The following FRAS1 variants were observed in gnomAD, a reference collection of about 807,000 sequenced individuals.
FRAS1 encodes Fraser extracellular matrix complex subunit 1.
FRAS1 carries 290 observed loss-of-function variants against 435.2 expected under a neutral mutation model. That is an observed-to-expected ratio of 0.67 (90% CI 0.61 to 0.73). The LOEUF is 0.73. Among genes scored for constraint, FRAS1 ranks in the 30% least tolerant of loss-of-function variants. The pLI is 0.00. For missense variants in FRAS1, 4,860 were observed against 5,001.5 expected, an observed-to-expected ratio of 0.97 and a Z score of 0.85; for synonymous variants, 1,800 against 1,851.0, an observed-to-expected ratio of 0.97 and a Z score of 0.71.
At chr4:78,179,310 G>C (rs1231228068) in intron 2 of FRAS1, among the ~76,000 whole-genome samples, 1 of 152,158 alleles carries the variant, frequency 6.6e-6, no homozygotes, top group East Asian at 1.9e-4. Flanking sequence ...GCCTTTTCTT[G>C]ACATCTGGCT....
chr4:78,513,532 ATGACCTGAGAGGCATCTCAGGTGAGAT>A lies in FRAS1; in HGVS notation c.10159_10174+11del. Reference sequence around the variant, plus strand: ...GTCTGCTCCAATTTAGTTACCACCTATGACCTGAGAGGCATCTCAGGTGAGATTGACAAGTTCAGGACTGGTCTTTCC... The same window carrying A: ...GTCTGCTCCAATTTAGTTACCACCTATGACAAGTTCAGGACTGGTCTTTCC... On this transcript the variant is annotated splice_donor_variant and splice_donor_5th_base_variant and coding_sequence_variant and intron_variant, in exon 65 of 74. Transcript: ENST00000512123. LOFTEE classifies it high-confidence loss of function. 1 of 1,613,742 alleles carries A rather than the reference ATGACCTGAGAGGCATCTCAGGTGAGAT, an allele frequency of 6.2e-7. No homozygotes were observed. The highest frequency in any genetic ancestry group is 8.5e-7 in the Non-Finnish European group (1 of 1,179,818).
At chr4:78,456,065 GGAA>G (rs1489998129) in intron 47 of FRAS1, among the ~76,000 whole-genome samples, 4 of 151,858 alleles carry the variant, frequency 2.6e-5, no homozygotes, top group Non-Finnish European at 5.9e-5. Context: ...CCAGCCAGCA[GGAA>G]GAAAGAAAAG....
At chr4:78,252,641 T>G in intron 5 of FRAS1, 90 bp downstream of exon 5, 1 of 1,221,908 alleles carries the variant, frequency 8.2e-7, no homozygotes, top group Non-Finnish European at 1.1e-6. Flanking sequence ...TCAACATAGG[T>G]TCTTTCTATT....
chr4:78,309,622 G>C (rs972881870), intron 15 of FRAS1, among the ~76,000 whole-genome samples: 2 of 152,198 alleles, frequency 1.3e-5, no homozygotes, highest in African/African-American at 4.8e-5. Context: ...CCACTCTACT[G>C]CTCATTATAA....
In FRAS1 at chr4:78,477,952, G is replaced by T. The variant is rs373264111; in HGVS notation, c.7989G>T (p.Ala2663=). ...AYALLGEFTQ[A]KVIINDTEDE... ...CCCTGTTAGGGGAATTCACCCAGGCGAAGGTCATTATCAACGATACCGAGG... is the reference window on the plus strand; with the variant it reads ...CCCTGTTAGGGGAATTCACCCAGGCTAAGGTCATTATCAACGATACCGAGG... The change falls in exon 55 of 74, where the codon GCG becomes GCT. Residue 2663 remains alanine (A), a synonymous_variant. Coordinates refer to ENST00000512123, the MANE Select transcript of FRAS1 (RefSeq NM_025074.7). 3.1e-6 allele frequency: 5 copies of T among 1,613,480 alleles called. No individual in the cohort carries two copies. The East Asian group carries it at 6.7e-5, about 22-fold the overall frequency.
intron 2 of FRAS1, among the ~76,000 whole-genome samples, chr4:78,087,628 A>G (rs1463511887): frequency 1.3e-5 from 2 of 152,198 alleles, no homozygotes; most frequent in African/African-American, 4.8e-5. Context: ...TTATACACCA[A>G]TAACAGACAA....
At position 78,441,273 on chromosome 4, in the gene FRAS1, G is replaced by A; in HGVS notation, c.5641G>A (p.Gly1881Ser). 6.2e-7 allele frequency: 1 copy of A among 1,612,874 alleles called. No individual in the cohort carries two copies. The highest frequency in any genetic ancestry group is 8.5e-7 in the Non-Finnish European group (1 of 1,179,422). The change falls in exon 41 of 74, where the codon GGC becomes AGC. Residue 1881 changes from glycine to serine, a missense_variant. By Grantham distance (56) the Gly-to-Ser change is moderately conservative. Coordinates refer to ENST00000512123, the MANE Select transcript of FRAS1 (RefSeq NM_025074.7). Reference protein sequence around the residue: ...IIKLSALPKYGCIENTGTGDR... With the variant: ...IIKLSALPKYSCIENTGTGDR... The stretch of plus-strand genomic sequence containing the variant: ...TAAACTAAGTGCTCTGCCCAAATAT[G>A]GCTGCATTGAGAACACAGGAACAGG...
At chr4:78,470,530 T>A (rs1322259685) in intron 51 of FRAS1, among the ~76,000 whole-genome samples, 1 of 152,086 alleles carries the variant, frequency 6.6e-6, no homozygotes, top group Non-Finnish European at 1.5e-5. Context: ...ATCCACAGGT[T>A]CCACATCTGT....
At chr4:78,202,627 G>A (rs191528788) in intron 2 of FRAS1, among the ~76,000 whole-genome samples, 2 of 152,306 alleles carry the variant, frequency 1.3e-5, no homozygotes, top group Non-Finnish European at 1.5e-5. Context: ...GCAAGCAGAG[G>A]TTGCAGTGAG....
At chr4:78,382,999 T>C (rs1732079156) in intron 27 of FRAS1, among the ~76,000 whole-genome samples, 1 of 152,226 alleles carries the variant, frequency 6.6e-6, no homozygotes, top group Non-Finnish European at 1.5e-5. Context: ...TCTAAAGAAC[T>C]TTTAAAACAA....
intron 52 of FRAS1, 138 bp downstream of exon 52, chr4:78,472,468 C>A: frequency 1.6e-6 from 1 of 617,256 alleles, no homozygotes; most frequent in Non-Finnish European, 2.5e-6. Flanking sequence ...TAGTGCTTAA[C>A]CATCCAACTT....
At chr4:78,455,598 C>G (rs1719167369) in intron 47 of FRAS1, among the ~76,000 whole-genome samples, 1 of 152,194 alleles carries the variant, frequency 6.6e-6, no homozygotes, top group Admixed American at 6.5e-5. Context: ...TTCATGCTGT[C>G]TTGCTTGGTC....
intron 9 of FRAS1, among the ~76,000 whole-genome samples, chr4:78,268,430 T>C (rs189976882): frequency 2.0e-4 from 31 of 152,348 alleles, no homozygotes; most frequent in African/African-American, 7.2e-4. Flanking sequence ...AGATGCCTTT[T>C]CATTTATTTT....
At chr4:78,532,811 T>A (rs1721757544) in intron 70 of FRAS1, among the ~76,000 whole-genome samples, 1 of 151,624 alleles carries the variant, frequency 6.6e-6, no homozygotes, top group Non-Finnish European at 1.5e-5. Flanking sequence ...AATGGCAGGA[T>A]CTCCTTATTT....
chr4:78,104,048 C>G (rs565751250), intron 2 of FRAS1, among the ~76,000 whole-genome samples: 11 of 152,342 alleles, frequency 7.2e-5, no homozygotes, highest in African/African-American at 2.4e-4. Context: ...TTACAGCTCA[C>G]TTAGCTCAGG....
Position 78,308,208 on chromosome 4 carries a change from C to G in FRAS1, c.1677C>G (p.Ser559Arg), listed in dbSNP as rs374815946. Residue 559 changes from serine to arginine, a missense_variant and splice_region_variant, in exon 15 of 74, where the codon AGC (serine) becomes AGG (arginine). Coordinates refer to ENST00000512123, the MANE Select transcript of FRAS1 (RefSeq NM_025074.7). ...KGFYNRQGTC[S>R]ACDQSCDSCG... ...TCTACAACAGGCAGGGCACCTGTAG[C>G]GGTGAGTGCTGGGTTGCGATGCTGA... 1.2e-6 allele frequency: 2 copies of G among 1,613,732 alleles called. No homozygotes were observed. Among genetic ancestry groups the G allele is most frequent in the Non-Finnish European group, 8.5e-7 (1 of 1,179,746 alleles).
In FRAS1 at chr4:78,455,235, CT is replaced by C. The variant is rs367545022; in HGVS notation, c.6763+2882del. The stretch of plus-strand genomic sequence containing the variant: ...TGTCTCCTTCCCTACCTCCCCGGCT[CT>C]ACTAAAAATACAAAATTTAGCCAAG... On this transcript the variant is annotated intron_variant, in intron 47 of 73. Coordinates refer to ENST00000512123, the MANE Select transcript of FRAS1 (RefSeq NM_025074.7). Among the ~76,000 whole-genome samples the C allele has an allele frequency of 6.9e-4, 105 of 151,410 alleles. 1 individual carries two copies. In the East Asian group the frequency reaches 0.019, roughly 28 times the overall value.
intron 71 of FRAS1, among the ~76,000 whole-genome samples, 154 bp from the exon 72 acceptor site, chr4:78,536,841 A>C (rs938268437): frequency 6.6e-6 from 1 of 152,226 alleles, no homozygotes; most frequent in Non-Finnish European, 1.5e-5. Context: ...GCAATAAATG[A>C]ATGAGTATTT....
chr4:78,242,259 G>T (rs1376603219), intron 3 of FRAS1, among the ~76,000 whole-genome samples: 1 of 152,156 alleles, frequency 6.6e-6, no homozygotes, highest in African/African-American at 2.4e-5. Context: ...GAGGTGGTAT[G>T]GTCATGTCAA....
Sources: gnomAD v4.1 joint callset for allele counts (sites outside exome capture counted in the v4.1 genomes callset) on GRCh38, gnomAD v4.1.1 for gene constraint, MANE v1.5 for transcripts, NCBI Gene and HGNC (gene_info 2026-07-23, HGNC 2026-07-21) for gene names.